The following NXF3 variants were observed in gnomAD, a reference collection of about 807,000 sequenced individuals.
The protein encoded by NXF3 is TAP-like protein 3.
A neutral mutation model predicts 48.4 loss-of-function variants in NXF3; 34 were observed. The observed-to-expected ratio is 0.70, with a 90% CI of 0.53 to 0.93. The LOEUF (loss-of-function observed/expected upper bound fraction) is 0.93. Among genes scored for constraint, NXF3 ranks in the 40% least tolerant of loss-of-function variants. The pLI, the probability that NXF3 is intolerant of heterozygous loss-of-function variation, is 0.00. For missense variants in NXF3, 359 were observed against 406.1 expected, an observed-to-expected ratio of 0.88 and a Z score of 1.00; for synonymous variants, 132 against 145.7, an observed-to-expected ratio of 0.91 and a Z score of 0.68.
rs780868917 is a variant in NXF3, at chrX:103,079,000, A to G, written c.1378+221T>C. Among the ~76,000 whole-genome samples the G allele has an allele frequency of 1.5e-4, 17 of 112,658 alleles. No individual in the cohort carries two copies. In the South Asian group the frequency reaches 6.3e-3, roughly 42 times the overall value. Reference sequence around the variant, plus strand: ...TGGGATGAGAGCTGTCAGACTCCACAGTCTGTGTGCTTAACGCACGCCTGA... The same window carrying G: ...TGGGATGAGAGCTGTCAGACTCCACGGTCTGTGTGCTTAACGCACGCCTGA... On this transcript the variant is annotated intron_variant, in intron 16 of 19. Coordinates refer to ENST00000395065, the MANE Select transcript of NXF3 (RefSeq NM_022052.2).
chrX:103,077,805 A>G, intron 17 of NXF3, 59 bp from the exon 18 acceptor site: 1 of 1,171,255 alleles, frequency 8.5e-7, no homozygotes, highest in Non-Finnish European at 1.2e-6. Flanking sequence ...CACCCGCTAC[A>G]AGGATCTTTT....
At chrX:103,091,923 C>T (rs1347369663) in intron 1 of NXF3, among the ~76,000 whole-genome samples, 4 of 99,150 alleles carry the variant, frequency 4.0e-5, no homozygotes, top group Non-Finnish European at 8.0e-5. Flanking sequence ...AGGCAGAGCT[C>T]GCAGTGAGCC....
chrX:103,084,200 A>G, intron 3 of NXF3, 142 bp downstream of exon 3: 2 of 672,520 alleles, frequency 3.0e-6, no homozygotes, highest in Non-Finnish European at 4.5e-6. Flanking sequence ...TCTTAAGATG[A>G]TCTAGGATGT....
chrX:103,076,741 AC>A (rs1481732955), intron 18 of NXF3, among the ~76,000 whole-genome samples: 2 of 95,749 alleles, frequency 2.1e-5, no homozygotes, highest in Admixed American at 1.1e-4. Context: ...AGGTACAGTC[AC>A]CCCCCCATCC....
intron 3 of NXF3, 70 bp downstream of exon 3, chrX:103,084,272 C>A (rs894968786): frequency 1.8e-6 from 2 of 1,132,489 alleles, no homozygotes; most frequent in African/African-American, 3.6e-5. Flanking sequence ...TATCTAGTGT[C>A]CACACAAATC....
At chrX:103,088,578 G>A in intron 1 of NXF3, 1 of 1,071,319 alleles carries the variant, frequency 9.3e-7, no homozygotes, top group Non-Finnish European at 1.3e-6. Flanking sequence ...GTACTTCAGT[G>A]TGGTTTTTCA....
At chrX:103,087,164 A>G in intron 1 of NXF3, 1 of 576,298 alleles carries the variant, frequency 1.7e-6, no homozygotes, top group South Asian at 3.1e-5. Context: ...TAGGAACGCT[A>G]TGGAGCTCAT....
At chrX:103,082,036 T>C (rs997158900) in intron 9 of NXF3, 21 of 409,630 alleles carry the variant, frequency 5.1e-5, no homozygotes, top group African/African-American at 3.5e-4. Context: ...TGGAGACAGG[T>C]GGGAAACACA....
chrX:103,088,398 AC>A (rs1395859654), intron 1 of NXF3: 5 of 591,487 alleles, frequency 8.5e-6, no homozygotes, highest in South Asian at 2.5e-5. Context: ...ATAAAAAAAA[AC>A]ATTGACTTTG....
Position 103,084,496 on chromosome X carries a change from C to A in NXF3, c.198-1G>T. On this transcript the variant is annotated splice_acceptor_variant, in intron 2 of 19. Transcript: ENST00000395065. LOFTEE classifies it high-confidence loss of function. ...ATAGGGTGAAATAGTATAGGGAGTG[C>A]TGTGAGCAAGTGGAGAAAAGGTAGT... The A allele has an allele frequency of 1.7e-6, 2 of 1,211,194 alleles. No homozygotes were observed. The highest frequency in any genetic ancestry group is 2.2e-6 in the Non-Finnish European group (2 of 895,066).
chrX:103,084,361 C>G lies in NXF3; in HGVS notation c.332G>C (p.Gly111Ala). The change falls in exon 3 of 20, where the codon GGG (glycine) becomes GCG (alanine). Residue 111 changes from glycine to alanine, a missense_variant. By Grantham distance (60) the Gly-to-Ala change is moderately conservative. Transcript: ENST00000395065. ...ACTCACTGTGATCTTGAACCAGCTCCCTAAGGTCCCATCCGGCATGTTCCC... is the reference window on the plus strand; with the variant it reads ...ACTCACTGTGATCTTGAACCAGCTCGCTAAGGTCCCATCCGGCATGTTCCC... ...MEGNMPDGTLGSWFKITVPFG... is the reference protein window; with the variant it reads ...MEGNMPDGTLASWFKITVPFG... 2.5e-6 allele frequency: 3 copies of G among 1,211,536 alleles called. No individual in the cohort carries two copies. The highest frequency in any genetic ancestry group is 3.4e-6 in the Non-Finnish European group (3 of 895,503).
At chrX:103,085,630 G>C (rs938892285) in intron 1 of NXF3, among the ~76,000 whole-genome samples, 1 of 111,882 alleles carries the variant, frequency 8.9e-6, no homozygotes, top group Non-Finnish European at 1.9e-5. Context: ...GCAGCCGGGC[G>C]CGTTGGCTCT....
chrX:103,087,462 C>T (rs1056589138), intron 1 of NXF3: 5 of 1,060,166 alleles, frequency 4.7e-6, no homozygotes, highest in Non-Finnish European at 6.6e-6. Flanking sequence ...GTCAGCGCCA[C>T]TTAAAAAATC....
chrX:103,078,667 G>T (rs779648040), intron 16 of NXF3, 35 bp from the exon 17 acceptor site: 2 of 1,210,842 alleles, frequency 1.7e-6, no homozygotes, highest in South Asian at 3.5e-5. Flanking sequence ...CCTTAGAGTT[G>T]CACAGGCTTT....
Position 103,076,419 on chromosome X carries a change from T to G in NXF3, c.1585-118A>C, listed in dbSNP as rs1198908546. 3.8e-6 allele frequency: 3 copies of G among 798,105 alleles called. No homozygotes were observed. In the Admixed American group the frequency reaches 7.3e-5, roughly 19 times the overall value. 65.8% of individuals were successfully genotyped at this position (798,105 alleles called of 1,213,427 possible). On this transcript the variant is annotated intron_variant, in intron 18 of 19. Coordinates refer to ENST00000395065, the MANE Select transcript of NXF3 (RefSeq NM_022052.2). Reference sequence around the variant, plus strand: ...CATGTCTGTGTTTTCTGGAATTTATTGCAGCAGAAGGAACCCTGTGAAAAG... The same window carrying G: ...CATGTCTGTGTTTTCTGGAATTTATGGCAGCAGAAGGAACCCTGTGAAAAG...
intron 18 of NXF3, among the ~76,000 whole-genome samples, chrX:103,076,866 C>T (rs1921883249): frequency 9.2e-6 from 1 of 108,836 alleles, no homozygotes; most frequent in Admixed American, 1.0e-4. Flanking sequence ...CTATCTTTCC[C>T]TACCCTCCCC....
chrX:103,084,486 A>G lies in NXF3; in HGVS notation c.207T>C (p.Tyr69=). Residue 69 remains tyrosine, a synonymous_variant, in exon 3 of 20, where the codon TAT becomes TAC. Transcript: ENST00000395065. ...CTTTCCGATTATAGGGTGAAATAGT[A>G]TAGGGAGTGCTGTGAGCAAGTGGAG... The part of the protein sequence containing the change: ...HMDSPVRYTP[Y]TISPYNRKGS... The G allele has an allele frequency of 8.3e-7, 1 of 1,211,751 alleles. No individual in the cohort carries two copies. The highest frequency in any genetic ancestry group is 1.1e-6 in the Non-Finnish European group (1 of 895,402).
chrX:103,087,457 C>T lies in NXF3; in HGVS notation c.29-2574G>A, dbSNP rs182476811. 6.8e-5 allele frequency: 73 copies of T among 1,076,147 alleles called. 1 individual carries two copies. The Admixed American group carries it at 1.5e-3, about 21-fold the overall frequency. The allele number at this position is 1,076,147 out of a possible 1,213,427, so 88.7% of individuals were successfully genotyped here. A position where few individuals can be genotyped will look rare whatever the true frequency, so the allele number is the denominator to read the frequency against. On this transcript the variant is annotated intron_variant, in intron 1 of 19. Transcript: ENST00000395065. Reference sequence around the variant, plus strand: ...GCCTTTTAAATGTAGTGTTTGTCAGCGCCACTTAAAAAATCTGAAGACATT... The same window carrying T: ...GCCTTTTAAATGTAGTGTTTGTCAGTGCCACTTAAAAAATCTGAAGACATT...
At chrX:103,087,256 G>T in intron 1 of NXF3, 2 of 1,021,143 alleles carry the variant, frequency 2.0e-6, no homozygotes, top group Non-Finnish European at 2.7e-6. Flanking sequence ...AGCCAACAAA[G>T]TACCTAGAAA....
Sources: allele counts gnomAD v4.1 joint callset (sites outside exome capture counted in the v4.1 genomes callset), GRCh38; gene constraint gnomAD v4.1.1; transcripts MANE v1.5; gene names NCBI Gene and HGNC (gene_info 2026-07-23, HGNC 2026-07-21).